Variants in DNAH10 observed in about 807,000 individuals in gnomAD.
The protein encoded by DNAH10 is dynein axonemal heavy chain 10.
A neutral mutation model predicts 506.6 loss-of-function variants in DNAH10; 348 were observed. The observed-to-expected ratio is 0.69, with a 90% CI of 0.63 to 0.75. The LOEUF (loss-of-function observed/expected upper bound fraction) is 0.75, where lower values mean the gene tolerates loss of function less well. Among genes scored for constraint, DNAH10 ranks in the 30% least tolerant of loss-of-function variants. The probability of loss-of-function intolerance (pLI) is 0.00; values close to 1 mark genes in which losing one functional copy is unlikely to be tolerated. For synonymous variants in DNAH10, 2,059 were observed against 2,198.6 expected (o/e 0.94, Z 1.78); for missense variants, 5,179 against 5,787.1 (o/e 0.89, Z 3.41).
At position 123,850,507 on chromosome 12, in the gene DNAH10, A is replaced by AGCCG. The variant is rs1322934156; in HGVS notation, c.6103-380_6103-377dup. ...CTGGGCTGTCTCCTTTCATCGCCACAGCCGTGCCACGAGGTGGGTTGCATT... is the reference window on the plus strand; with the variant it reads ...CTGGGCTGTCTCCTTTCATCGCCACAGCCGGCCGTGCCACGAGGTGGGTTGCATT... On this transcript the variant is annotated intron_variant, in intron 34 of 78. Coordinates refer to ENST00000673944, the MANE Select transcript of DNAH10 (RefSeq NM_001372106.1). This position sits in a 1 kb window ranked among gnomAD's most constrained non-coding sequence, Gnocchi z 5.5. 2.0e-5 allele frequency among the ~76,000 whole-genome samples: 3 copies of AGCCG among 152,230 alleles called. No individual in the cohort carries two copies. Among genetic ancestry groups the AGCCG allele is most frequent in the African/African-American group, 7.2e-5 (3 of 41,476 alleles).
chr12:123,904,995 A>G (rs931830557), intron 57 of DNAH10, among the ~76,000 whole-genome samples: 12 of 152,222 alleles, frequency 7.9e-5, no homozygotes, highest in Admixed American at 3.9e-4. Context: ...TGCATGACCA[A>G]GGCAACCAGG....
At position 123,864,629 on chromosome 12, in the gene DNAH10, T is replaced by G; in HGVS notation, c.6943T>G (p.Trp2315Gly). The G allele has an allele frequency of 6.2e-7, 1 of 1,614,016 alleles. No individual in the cohort carries two copies. Among genetic ancestry groups the G allele is most frequent in the South Asian group, 1.1e-5 (1 of 91,078 alleles). The part of the protein sequence containing the change: ...ILFDGDVDAL[W>G]VENMNSVMDD... ...ATTTGATGGTGATGTGGATGCTCTA[T>G]GGGTGGAAAACATGAATTCTGTGAT... Residue 2315 changes from tryptophan to glycine, a missense_variant, in exon 40 of 79, where the codon TGG becomes GGG. This residue lies in a region of DNAH10 where 4,844 missense variants were observed against 5,430.5 expected (regional missense o/e 0.89). Coordinates refer to ENST00000673944, the MANE Select transcript of DNAH10 (RefSeq NM_001372106.1).
At position 123,917,555 on chromosome 12, in the gene DNAH10, T is replaced by A; in HGVS notation, c.11003-29T>A. The A allele has an allele frequency of 1.3e-6, 2 of 1,542,556 alleles. No individual in the cohort carries two copies. The highest frequency in any genetic ancestry group is 2.4e-5 in the South Asian group (2 of 83,834). ...AGAGACTGTTGTTGGGGGCCGCAGG[T>A]GGTGAGGGCCTCTCACTGTCCCCCA... On this transcript the variant is annotated intron_variant, in intron 63 of 78. Transcript: ENST00000673944. This position sits in a 1 kb window ranked among gnomAD's most constrained non-coding sequence, Gnocchi z 5.6.
Position 123,784,155 on chromosome 12 carries a change from C to T in DNAH10, c.1208C>T (p.Ser403Phe), listed in dbSNP as rs1349994182. The T allele has an allele frequency of 1.9e-6, 3 of 1,614,072 alleles. No homozygotes were observed. Among genetic ancestry groups the T allele is most frequent in the Non-Finnish European group, 2.5e-6 (3 of 1,180,024 alleles). Reference sequence around the variant, plus strand: ...GCCTCAGACAATGTGCGCTTTCTCTCCACCGTGGAGCGTTATTTCAAGGTA... The same window carrying T: ...GCCTCAGACAATGTGCGCTTTCTCTTCACCGTGGAGCGTTATTTCAAGGTA... ...TEASDNVRFL[S>F]TVERYFKNIT... The change falls in exon 8 of 79, where the codon TCC becomes TTC. Residue 403 changes from serine (S) to phenylalanine (F), a missense_variant. Transcript: ENST00000673944.
chr12:123,870,979 T>C (rs1402703609), intron 44 of DNAH10, among the ~76,000 whole-genome samples: 2 of 152,182 alleles, frequency 1.3e-5, no homozygotes, highest in African/African-American at 4.8e-5. Context: ...GGCTGAATAA[T>C]TTCACAAAGC....
intron 34 of DNAH10, 62 bp downstream of exon 34, chr12:123,848,944 G>T: frequency 5.1e-6 from 8 of 1,579,466 alleles, no homozygotes; most frequent in Non-Finnish European, 6.9e-6. Context: ...AGTATGGTAA[G>T]CTTCCTCTGT....
chr12:123,877,648 C>A, intron 47 of DNAH10, 88 bp from the exon 48 acceptor site: 1 of 1,466,762 alleles, frequency 6.8e-7, no homozygotes, highest in Non-Finnish European at 9.1e-7. Context: ...TAGTAATAGT[C>A]CATTGTACGG....
At chr12:123,784,986 G>A (rs1297751398) in intron 8 of DNAH10, among the ~76,000 whole-genome samples, 1 of 152,228 alleles carries the variant, frequency 6.6e-6, no homozygotes, top group African/African-American at 2.4e-5. Flanking sequence ...CTATTCATCA[G>A]TCGGTGGGCA....
At chr12:123,868,496 C>T (rs941555980) in intron 43 of DNAH10, among the ~76,000 whole-genome samples, 1 of 152,164 alleles carries the variant, frequency 6.6e-6, no homozygotes, top group African/African-American at 2.4e-5. Context: ...CCATTTTCAC[C>T]ATATCATTCA....
chr12:123,893,641 G>A (rs932735696), intron 53 of DNAH10, among the ~76,000 whole-genome samples: 5 of 152,242 alleles, frequency 3.3e-5, no homozygotes, highest in African/African-American at 9.6e-5. Context: ...CTGACAGGAG[G>A]ATGTACCCAT....
At chr12:123,821,823 C>T (rs928720017) in intron 24 of DNAH10, among the ~76,000 whole-genome samples, 10 of 152,076 alleles carry the variant, frequency 6.6e-5, no homozygotes, top group Admixed American at 6.6e-4. Flanking sequence ...AATCCCAGCA[C>T]TTTGGGAGGC....
At chr12:123,896,148 C>CACACACACACACAG (rs1383690518) in intron 54 of DNAH10, among the ~76,000 whole-genome samples, 75 of 95,304 alleles carry the variant, frequency 7.9e-4, no homozygotes, top group African/African-American at 1.3e-3. Flanking sequence ...CACACACACA[C>CACACACACACACAG]AGAGAGAGAG....
chr12:123,927,835 G>T (rs1276722292), intron 69 of DNAH10: 1 of 153,842 alleles, frequency 6.5e-6, no homozygotes, highest in African/African-American at 2.4e-5. Flanking sequence ...CACCAGCAAG[G>T]CGGGCCAGCT....
chr12:123,845,371 A>C (rs1950909485), intron 30 of DNAH10, among the ~76,000 whole-genome samples: 1 of 152,112 alleles, frequency 6.6e-6, no homozygotes, highest in South Asian at 2.1e-4. Flanking sequence ...GGAGAGAGGC[A>C]CCCTCGGCCT....
intron 12 of DNAH10, 148 bp downstream of exon 12, chr12:123,794,260 C>A: frequency 2.1e-6 from 1 of 472,086 alleles, no homozygotes. Flanking sequence ...TACACGTAAC[C>A]CGAACAAAGT....
intron 53 of DNAH10, 27 bp downstream of exon 53, chr12:123,893,463 A>C (rs1370664616): frequency 6.2e-7 from 1 of 1,611,168 alleles, no homozygotes. Flanking sequence ...CTGTGAACCC[A>C]TTTCCCCTGC....
At chr12:123,885,230 C>T (rs1044877531) in intron 51 of DNAH10, among the ~76,000 whole-genome samples, 2 of 152,194 alleles carry the variant, frequency 1.3e-5, no homozygotes, top group South Asian at 4.1e-4. Context: ...TTCCTTCTTA[C>T]CAGCAATGGG....
intron 61 of DNAH10, 59 bp downstream of exon 61, chr12:123,914,609 T>G: frequency 6.5e-7 from 1 of 1,534,570 alleles, no homozygotes; most frequent in Non-Finnish European, 8.8e-7. Flanking sequence ...GGGGTCTACG[T>G]GGGTGTCACC....
At chr12:123,807,255 C>T (rs1306438623) in intron 18 of DNAH10, among the ~76,000 whole-genome samples, 6 of 152,040 alleles carry the variant, frequency 3.9e-5, no homozygotes, top group Admixed American at 3.9e-4. Flanking sequence ...GTAAAGCCTG[C>T]CCTGTGCTGC....
Sources: allele counts gnomAD v4.1 joint callset (sites outside exome capture counted in the v4.1 genomes callset), GRCh38; gene constraint gnomAD v4.1.1; regional missense constraint gnomAD v4.1.1; non-coding constraint Gnocchi (gnomAD v3.1); transcripts MANE v1.5; gene names NCBI Gene and HGNC (gene_info 2026-07-23, HGNC 2026-07-21).